SMYD3: variants seen among roughly 807,000 people sequenced by gnomAD.
SMYD3 encodes histone-lysine N-methyltransferase SMYD3.
In SMYD3, 36 loss-of-function variants were observed where a neutral mutation model predicts 57.7. The observed-to-expected ratio is 0.62, with a 90% CI of 0.48 to 0.82. The LOEUF is 0.82. Among genes scored for constraint, SMYD3 ranks in the 40% least tolerant of loss-of-function variants. The probability of loss-of-function intolerance (pLI) is 0.00; values close to 1 mark genes in which losing one functional copy is unlikely to be tolerated. For synonymous variants in SMYD3, 211 were observed against 195.0 expected (o/e 1.08, Z -0.68); for missense variants, 515 against 538.8 (o/e 0.96, Z 0.44).
intron 10 of SMYD3, among the ~76,000 whole-genome samples, chr1:245,832,496 T>G (rs77217032): frequency 9.3e-6 from 1 of 107,086 alleles, no homozygotes; most frequent in East Asian, 2.6e-4. Context: ...TTTTTTTTTT[T>G]TTGAGAGTTG....
At chr1:246,142,491 T>C (rs990669884) in intron 5 of SMYD3, among the ~76,000 whole-genome samples, 10 of 152,162 alleles carry the variant, frequency 6.6e-5, no homozygotes, top group East Asian at 3.8e-4. Context: ...TAAGGGTTAC[T>C]TGAACACAAG....
rs57740230 is a variant in SMYD3 at position 246,282,305 on chromosome 1, C to CAAAAAA, written c.531+44890_531+44895dup. Among the ~76,000 whole-genome samples the CAAAAAA allele has an allele frequency of 1.4e-3, 98 of 67,908 alleles. 3 individuals are homozygous for CAAAAAA. The highest frequency in any genetic ancestry group is 2.0e-3 in the South Asian group (4 of 1,976). The allele number at this position is 67,908 out of a possible 152,430, so 44.6% of individuals were successfully genotyped here. On this transcript the variant is annotated intron_variant, in intron 5 of 11. Transcript: ENST00000490107. ...CAACATGGCAAGACCCTCATCTCTA[C>CAAAAAA]AAAAAAAAAAAAAAAAAAAAAAAAA...
At chr1:246,157,389 C>T (rs2062038177) in intron 5 of SMYD3, among the ~76,000 whole-genome samples, 1 of 151,946 alleles carries the variant, frequency 6.6e-6, no homozygotes, top group African/African-American at 2.4e-5. Context: ...GTTTAAGAAA[C>T]AGCAGCAATT....
At chr1:246,225,344 A>AAC in intron 5 of SMYD3, among the ~76,000 whole-genome samples, 1 of 146,840 alleles carries the variant, frequency 6.8e-6, no homozygotes, top group Non-Finnish European at 1.5e-5. Flanking sequence ...AAAAAAAAAA[A>AAC]AAAAAAAAAA....
At chr1:246,462,868 G>T (rs1190186239) in intron 1 of SMYD3, among the ~76,000 whole-genome samples, 1 of 151,990 alleles carries the variant, frequency 6.6e-6, no homozygotes, top group Admixed American at 6.5e-5. Context: ...CATTTTAATT[G>T]AGTAGAAAAA....
At chr1:245,948,398 C>T (rs990173432) in intron 5 of SMYD3, among the ~76,000 whole-genome samples, 1 of 152,122 alleles carries the variant, frequency 6.6e-6, no homozygotes, top group African/African-American at 2.4e-5. Flanking sequence ...AGGCTCCCCA[C>T]TGTGTGGAGA....
chr1:245,878,203 T>G (rs12028528), intron 8 of SMYD3, among the ~76,000 whole-genome samples: 1 of 151,968 alleles, frequency 6.6e-6, no homozygotes, highest in African/African-American at 2.4e-5. Flanking sequence ...AGTGTGCAGA[T>G]GACTCAAGGG....
chr1:246,313,686 AT>A (rs1348897173), intron 5 of SMYD3, among the ~76,000 whole-genome samples: 2 of 152,196 alleles, frequency 1.3e-5, no homozygotes, highest in Non-Finnish European at 2.9e-5. Flanking sequence ...CAAAAACAAC[AT>A]TTTAAAATTA....
intron 5 of SMYD3, among the ~76,000 whole-genome samples, chr1:246,150,969 T>C (rs2061932041): frequency 6.6e-6 from 1 of 152,170 alleles, no homozygotes. Flanking sequence ...ATTCCTTGGC[T>C]GGGCGCAGTG....
intron 5 of SMYD3, among the ~76,000 whole-genome samples, chr1:246,239,933 G>C (rs552118890): frequency 1.4e-4 from 21 of 152,102 alleles, no homozygotes; most frequent in Non-Finnish European, 2.6e-4. Flanking sequence ...TTTTTGATGA[G>C]GTTGTTTGAT....
intron 5 of SMYD3, among the ~76,000 whole-genome samples, chr1:246,055,319 T>C (rs1295270389): frequency 2.0e-5 from 3 of 152,128 alleles, no homozygotes; most frequent in Non-Finnish European, 2.9e-5. Context: ...ACGAGCTGGG[T>C]GCAGTGATAC....
At chr1:245,905,670 G>A (rs1316771436) in intron 8 of SMYD3, among the ~76,000 whole-genome samples, 1 of 152,232 alleles carries the variant, frequency 6.6e-6, no homozygotes, top group Non-Finnish European at 1.5e-5. Context: ...CATAGGCCTT[G>A]CTGGCTTTGC....
intron 1 of SMYD3, among the ~76,000 whole-genome samples, chr1:246,447,529 C>T (rs539784502): frequency 7.2e-5 from 11 of 152,234 alleles, no homozygotes; most frequent in Admixed American, 5.9e-4. Context: ...CTGACTGATT[C>T]AGAGGCCACG....
intron 5 of SMYD3, among the ~76,000 whole-genome samples, chr1:246,281,505 A>C (rs1244976709): frequency 6.6e-6 from 1 of 152,172 alleles, no homozygotes; most frequent in African/African-American, 2.4e-5. Context: ...ATCATACCGC[A>C]ATGTTTTTCC....
At chr1:245,816,737 A>G (rs1202058755) in intron 10 of SMYD3, among the ~76,000 whole-genome samples, 2 of 152,080 alleles carry the variant, frequency 1.3e-5, no homozygotes, top group Admixed American at 1.3e-4. Flanking sequence ...CTCACTCGGG[A>G]AGCGCCAGGG....
At chr1:246,434,056 G>A (rs1242075174) in intron 1 of SMYD3, among the ~76,000 whole-genome samples, 2 of 152,166 alleles carry the variant, frequency 1.3e-5, no homozygotes, top group Non-Finnish European at 2.9e-5. Flanking sequence ...TGCTGGGATA[G>A]GCTACCTATA....
chr1:245,898,690 T>A (rs2053991143), intron 8 of SMYD3, among the ~76,000 whole-genome samples: 1 of 152,218 alleles, frequency 6.6e-6, no homozygotes, highest in Admixed American at 6.5e-5. Flanking sequence ...GATAGACTGA[T>A]AGACATGGTG....
chr1:245,814,257 A>G, intron 10 of SMYD3: 1 of 551,602 alleles, frequency 1.8e-6, no homozygotes, highest in Non-Finnish European at 2.3e-6. Flanking sequence ...TTGAAGGTAA[A>G]CAATTTAATA....
intron 1 of SMYD3, among the ~76,000 whole-genome samples, chr1:246,376,352 A>T (rs1471171321): frequency 6.6e-6 from 1 of 152,056 alleles, no homozygotes; most frequent in Non-Finnish European, 1.5e-5. Flanking sequence ...GCACTTTGGG[A>T]GGCCGAGGTG....
Sources: allele counts gnomAD v4.1 joint callset (sites outside exome capture counted in the v4.1 genomes callset), GRCh38; gene constraint gnomAD v4.1.1; transcripts MANE v1.5; gene names NCBI Gene and HGNC (gene_info 2026-07-23, HGNC 2026-07-21).